The following MBOAT2 variants were observed in gnomAD, a reference collection of about 807,000 sequenced individuals.
The protein encoded by MBOAT2 is membrane bound glycerophospholipid O-acyltransferase 2.
MBOAT2 carries 28 observed loss-of-function variants against 63.4 expected under a neutral mutation model. The observed-to-expected ratio is 0.44, with a 90% CI of 0.33 to 0.61. The LOEUF (loss-of-function observed/expected upper bound fraction) is 0.61, where lower values mean the gene tolerates loss of function less well. Ranked by LOEUF, MBOAT2 falls within the 20% of genes least tolerant of loss-of-function variation. MBOAT2 has a pLI of 0.03. For synonymous variants in MBOAT2, 211 were observed against 215.6 expected, an observed-to-expected ratio of 0.98 and a Z score of 0.19; for missense variants, 470 against 605.8, an observed-to-expected ratio of 0.78 and a Z score of 2.35.
At chr2:8,933,853 A>C (rs1169087670) in intron 3 of MBOAT2, among the ~76,000 whole-genome samples, 5 of 152,144 alleles carry the variant, frequency 3.3e-5, no homozygotes, top group Non-Finnish European at 7.4e-5. Flanking sequence ...CCCCCACTTC[A>C]TATAAAAGCC....
chr2:8,952,456 T>C (rs764590119), intron 2 of MBOAT2, among the ~76,000 whole-genome samples: 7 of 152,216 alleles, frequency 4.6e-5, no homozygotes, highest in South Asian at 2.1e-4. Context: ...GTGATGACTA[T>C]AAGTACAGAA....
At chr2:8,987,993 A>G (rs1420806951) in intron 1 of MBOAT2, among the ~76,000 whole-genome samples, 1 of 152,256 alleles carries the variant, frequency 6.6e-6, no homozygotes, top group East Asian at 1.9e-4. Flanking sequence ...ACTAGAGTAT[A>G]TAACACATTA....
At chr2:8,915,681 G>A (rs1666121146) in intron 3 of MBOAT2, among the ~76,000 whole-genome samples, 1 of 152,180 alleles carries the variant, frequency 6.6e-6, no homozygotes, top group Admixed American at 6.5e-5. Flanking sequence ...AGAGAAAGCA[G>A]ACATATAAGC....
intron 3 of MBOAT2, among the ~76,000 whole-genome samples, chr2:8,925,657 G>T (rs1202723330): frequency 6.6e-6 from 1 of 152,202 alleles, no homozygotes; most frequent in African/African-American, 2.4e-5. Context: ...ATCTAAAATT[G>T]TCTGGCAGGG....
At chr2:8,991,518 A>G (rs1010729773) in intron 1 of MBOAT2, among the ~76,000 whole-genome samples, 3 of 152,226 alleles carry the variant, frequency 2.0e-5, no homozygotes, top group African/African-American at 7.2e-5. Flanking sequence ...ACGGTGAAAT[A>G]TAAGAACTGT....
intron 2 of MBOAT2, among the ~76,000 whole-genome samples, chr2:8,953,067 T>G (rs1313613421): frequency 1.3e-5 from 2 of 152,214 alleles, no homozygotes. Context: ...ACAGGGTCTG[T>G]GGGCTATATA....
At chr2:8,917,948 G>T (rs1285017018) in intron 3 of MBOAT2, among the ~76,000 whole-genome samples, 1 of 152,186 alleles carries the variant, frequency 6.6e-6, no homozygotes, top group Non-Finnish European at 1.5e-5. Flanking sequence ...ACATTAAGCT[G>T]AGTAAAAAAT....
chr2:8,971,507 T>C (rs1670455241), intron 1 of MBOAT2, among the ~76,000 whole-genome samples: 1 of 152,198 alleles, frequency 6.6e-6, no homozygotes, highest in Non-Finnish European at 1.5e-5. Context: ...GTGTTGGAAG[T>C]TCTGGCCAGG....
chr2:8,934,890 A>G (rs751730045), intron 3 of MBOAT2, among the ~76,000 whole-genome samples: 2 of 152,180 alleles, frequency 1.3e-5, no homozygotes, highest in Non-Finnish European at 2.9e-5. Context: ...TGCCTGCTAG[A>G]TGGCACTTCC....
Position 8,862,553 on chromosome 2 carries a change from G to T in MBOAT2, c.1185+37C>A. The T allele has an allele frequency of 6.3e-7, 1 of 1,590,370 alleles. No homozygotes were observed. The highest frequency in any genetic ancestry group is 1.2e-5 in the South Asian group (1 of 86,816). ...CTCAGCCTTTTTAACAGTTCAAGTG[G>T]ACCATTGAATTGTAAAATAAAATTC... On this transcript the variant is annotated intron_variant, in intron 11 of 12. Coordinates refer to ENST00000305997, the MANE Select transcript of MBOAT2 (RefSeq NM_138799.4). This position sits in a 1 kb window ranked among gnomAD's most constrained non-coding sequence, Gnocchi z 4.3.
chr2:8,876,658 C>T (rs1483799536), intron 7 of MBOAT2, among the ~76,000 whole-genome samples: 3 of 149,582 alleles, frequency 2.0e-5, no homozygotes, highest in African/African-American at 7.4e-5. Flanking sequence ...TCTGCTGGAA[C>T]ACAAGGCATA....
intron 1 of MBOAT2, among the ~76,000 whole-genome samples, chr2:8,967,938 C>A (rs1670119795): frequency 6.6e-6 from 1 of 152,060 alleles, no homozygotes; most frequent in Non-Finnish European, 1.5e-5. Context: ...TCCAAGATGG[C>A]CGAATAGGAA....
intron 4 of MBOAT2, among the ~76,000 whole-genome samples, chr2:8,904,280 G>A (rs1032167398): frequency 3.3e-5 from 5 of 150,884 alleles, no homozygotes; most frequent in Non-Finnish European, 4.4e-5. Flanking sequence ...AGCCCCATTC[G>A]TATCTTTATA....
At chr2:8,946,630 A>T (rs1482168528) in intron 2 of MBOAT2, among the ~76,000 whole-genome samples, 1 of 152,182 alleles carries the variant, frequency 6.6e-6, no homozygotes, top group Non-Finnish European at 1.5e-5. Context: ...GTATTTTGGT[A>T]ATTCTCAACA....
chr2:8,860,762 C>A lies in MBOAT2; in HGVS notation c.1188G>T (p.Met396Ile). ...TGAAATAATGTCTAAAGTTATTTCT[C>A]ATCTGAAATAAAGAAACAAAAACAT... ...GVLMTLAARA[M>I]RNNFRHYFIE... is the part of the protein sequence containing the mutation. Residue 396 changes from methionine to isoleucine, a missense_variant and splice_region_variant, in exon 12 of 13, where the codon ATG (methionine) becomes ATT (isoleucine). Physicochemically the swap from Met to Ile is conservative, Grantham distance 10. This residue lies in a region of MBOAT2 where 376 missense variants were observed against 503.8 expected (regional missense o/e 0.75). Coordinates refer to ENST00000305997, the MANE Select transcript of MBOAT2 (RefSeq NM_138799.4). 1 of 1,562,902 alleles carries A rather than the reference C, an allele frequency of 6.4e-7. No homozygotes were observed. The highest frequency in any genetic ancestry group is 1.2e-5 in the South Asian group (1 of 86,314).
chr2:8,923,496 G>A (rs1457592644), intron 3 of MBOAT2, among the ~76,000 whole-genome samples: 2 of 152,068 alleles, frequency 1.3e-5, no homozygotes, highest in South Asian at 4.1e-4. Flanking sequence ...CCTGCCAACC[G>A]GAGCACCCTT....
intron 4 of MBOAT2, among the ~76,000 whole-genome samples, chr2:8,903,519 C>T (rs776828682): frequency 1.3e-5 from 2 of 152,070 alleles, no homozygotes; most frequent in Non-Finnish European, 2.9e-5. Context: ...TCTTTCAGTA[C>T]CACAGAAATC....
chr2:8,899,395 G>A (rs1664740439), intron 4 of MBOAT2, among the ~76,000 whole-genome samples: 1 of 151,884 alleles, frequency 6.6e-6, no homozygotes, highest in South Asian at 2.1e-4. Context: ...GATGGTAATG[G>A]ACCTTGAGGA....
chr2:8,943,094 T>C (rs1668164108), intron 3 of MBOAT2, 93 bp downstream of exon 3: 1 of 666,044 alleles, frequency 1.5e-6, no homozygotes, highest in Non-Finnish European at 2.3e-6. Context: ...TCACAATTCA[T>C]AATTACTTTT....
Sources: gnomAD v4.1 joint callset for allele counts (sites outside exome capture counted in the v4.1 genomes callset) on GRCh38, gnomAD v4.1.1 for gene constraint, gnomAD v4.1.1 regional missense constraint, Gnocchi (gnomAD v3.1) non-coding constraint, MANE v1.5 for transcripts, NCBI Gene and HGNC (gene_info 2026-07-23, HGNC 2026-07-21) for gene names.